The following RIT2 variants were observed in gnomAD, a reference collection of about 807,000 sequenced individuals.
RIT2 encodes the protein GTP-binding protein Rit2.
In RIT2, 24 loss-of-function variants were observed where a neutral mutation model predicts 23.7. The ratio of observed to expected loss-of-function variants is 1.01; its 90% CI spans 0.73 to 1.43. The LOEUF (loss-of-function observed/expected upper bound fraction) is 1.43. Ranked by LOEUF, RIT2 falls within the 40% of genes most tolerant of loss-of-function variation. The probability of loss-of-function intolerance (pLI) is 0.00; values close to 1 mark genes in which losing one functional copy is unlikely to be tolerated. For missense variants in RIT2, 236 were observed against 266.9 expected (o/e 0.88, Z 0.81); for synonymous variants, 107 against 91.1 (o/e 1.17, Z -0.99).
intron 1 of RIT2, among the ~76,000 whole-genome samples, chr18:43,107,510 T>A (rs1913851355): frequency 6.6e-6 from 1 of 152,202 alleles, no homozygotes; most frequent in South Asian, 2.1e-4. Context: ...AAAGTATGCT[T>A]CCCTAAGCAA....
chr18:42,857,932 G>A (rs1171810063), intron 4 of RIT2, among the ~76,000 whole-genome samples: 1 of 152,152 alleles, frequency 6.6e-6, no homozygotes, highest in Non-Finnish European at 1.5e-5. Flanking sequence ...TGTAATCCCA[G>A]CACTTTGGGA....
At chr18:42,909,444 C>T (rs1427826415) in intron 4 of RIT2, among the ~76,000 whole-genome samples, 1 of 152,054 alleles carries the variant, frequency 6.6e-6, no homozygotes, top group African/African-American at 2.4e-5. Context: ...TCAAAACACA[C>T]CTTTACCCCA....
At chr18:42,792,721 T>G (rs183596439) in intron 4 of RIT2, among the ~76,000 whole-genome samples, 1 of 152,320 alleles carries the variant, frequency 6.6e-6, no homozygotes, top group East Asian at 1.9e-4. Flanking sequence ...CATTTCTAGT[T>G]GAAGAGCTTT....
At chr18:42,822,964 G>A (rs16976974) in intron 4 of RIT2, among the ~76,000 whole-genome samples, 2,387 of 152,242 alleles carry the variant, frequency 0.016, 71 homozygotes, top group African/African-American at 0.055. Flanking sequence ...AAGAAACTAA[G>A]TGATTCCCAC....
At chr18:43,106,560 G>C (rs752098481) in intron 1 of RIT2, among the ~76,000 whole-genome samples, 2 of 152,026 alleles carry the variant, frequency 1.3e-5, no homozygotes, top group Non-Finnish European at 2.9e-5. Context: ...TTTTTCCTGG[G>C]ACTGCAAATA....
chr18:42,963,501 G>A (rs1910138247), intron 3 of RIT2, among the ~76,000 whole-genome samples: 1 of 152,086 alleles, frequency 6.6e-6, no homozygotes, highest in Non-Finnish European at 1.5e-5. Flanking sequence ...CACTGAGAAA[G>A]TTTTAACATC....
chr18:43,025,070 T>C (rs780242496), intron 2 of RIT2, among the ~76,000 whole-genome samples: 14 of 151,780 alleles, frequency 9.2e-5, no homozygotes, highest in Non-Finnish European at 1.9e-4. Flanking sequence ...TAGTAGGGCA[T>C]TGTGGCACGT....
intron 2 of RIT2, among the ~76,000 whole-genome samples, chr18:43,004,243 G>C (rs867207849): frequency 6.6e-6 from 1 of 151,820 alleles, no homozygotes; most frequent in Admixed American, 6.6e-5. Context: ...AATTATTACA[G>C]AGTTTCCAGT....
chr18:42,941,441 G>A (rs1219072736), intron 3 of RIT2, among the ~76,000 whole-genome samples: 1 of 151,970 alleles, frequency 6.6e-6, no homozygotes, highest in Non-Finnish European at 1.5e-5. Context: ...TTTTCCAGGA[G>A]GGATGAAAGT....
chr18:43,070,351 T>A (rs1912869755), intron 1 of RIT2, among the ~76,000 whole-genome samples: 1 of 152,180 alleles, frequency 6.6e-6, no homozygotes, highest in Non-Finnish European at 1.5e-5. Context: ...TTTAGAAATA[T>A]TTCAGGAGAC....
intron 3 of RIT2, among the ~76,000 whole-genome samples, chr18:42,952,738 AT>A (rs1057301226): frequency 6.6e-6 from 1 of 152,086 alleles, no homozygotes; most frequent in African/African-American, 2.4e-5. Context: ...AAATAAAAAA[AT>A]ATACTACATA....
intron 4 of RIT2, among the ~76,000 whole-genome samples, chr18:42,916,376 T>C (rs781766514): frequency 6.6e-6 from 1 of 152,104 alleles, no homozygotes; most frequent in African/African-American, 2.4e-5. Context: ...TTTACTTAGC[T>C]CATAAACTGT....
chr18:43,087,583 G>T (rs943862749), intron 1 of RIT2, among the ~76,000 whole-genome samples: 6 of 152,112 alleles, frequency 3.9e-5, no homozygotes, highest in African/African-American at 1.4e-4. Flanking sequence ...TACAGTATCT[G>T]TATTCAACAA....
chr18:42,782,553 G>A (rs1343598744), intron 4 of RIT2, among the ~76,000 whole-genome samples: 3 of 152,080 alleles, frequency 2.0e-5, no homozygotes, highest in Non-Finnish European at 4.4e-5. Context: ...GTAGATAGAT[G>A]CAATATAAGA....
chr18:42,765,697 G>A (rs1913405411), intron 4 of RIT2, among the ~76,000 whole-genome samples: 1 of 150,146 alleles, frequency 6.7e-6, no homozygotes, highest in Non-Finnish European at 1.5e-5. Flanking sequence ...TATATGCATA[G>A]ATGCATAAAT....
chr18:43,013,943 T>A (rs1911412561), intron 2 of RIT2, among the ~76,000 whole-genome samples: 1 of 151,818 alleles, frequency 6.6e-6, no homozygotes, highest in Non-Finnish European at 1.5e-5. Context: ...AAGCTTCTCT[T>A]AAGGAATGAA....
intron 4 of RIT2, among the ~76,000 whole-genome samples, chr18:42,861,146 T>A (rs1403615439): frequency 6.6e-6 from 1 of 152,246 alleles, no homozygotes; most frequent in Non-Finnish European, 1.5e-5. Flanking sequence ...TAAAACTTGT[T>A]AGGACTCAAT....
intron 4 of RIT2, among the ~76,000 whole-genome samples, chr18:42,850,456 A>T (rs1907022871): frequency 6.6e-6 from 1 of 152,286 alleles, no homozygotes; most frequent in African/African-American, 2.4e-5. Context: ...TTTGATGATG[A>T]CTGTGTTAAT....
chr18:43,015,787 C>T (rs932597915), intron 2 of RIT2, among the ~76,000 whole-genome samples: 1 of 151,632 alleles, frequency 6.6e-6, no homozygotes, highest in Non-Finnish European at 1.5e-5. Flanking sequence ...AAGAATGCTT[C>T]CCCCAAAAAG....
Sources: allele counts gnomAD v4.1 joint callset (sites outside exome capture counted in the v4.1 genomes callset), GRCh38; gene constraint gnomAD v4.1.1; transcripts MANE v1.5; gene names NCBI Gene and HGNC (gene_info 2026-07-23, HGNC 2026-07-21).